The following PCDHA1 variants were observed in gnomAD, a reference collection of about 807,000 sequenced individuals.
The protein encoded by PCDHA1 is protocadherin alpha-1.
In PCDHA1, 42 loss-of-function variants were observed where a neutral mutation model predicts 61.3. The observed-to-expected ratio is 0.69, with a 90% CI of 0.54 to 0.89. The LOEUF is 0.89. PCDHA1 is among the 40% of genes least tolerant of loss of function. PCDHA1 has a pLI of 0.00. For missense variants in PCDHA1, 1,256 were observed against 1,235.3 expected (o/e 1.02, Z -0.25); for synonymous variants, 610 against 553.8 (o/e 1.10, Z -1.43).
chr5:140,941,173 A>G (rs1235741316), intron 1 of PCDHA1, among the ~76,000 whole-genome samples: 5 of 135,522 alleles, frequency 3.7e-5, no homozygotes, highest in Non-Finnish European at 4.9e-5. Flanking sequence ...CCCCATCTTG[A>G]ACATCCTGCT....
chr5:140,816,485 G>A (rs1765913989), intron 1 of PCDHA1: 2 of 149,216 alleles, frequency 1.3e-5, no homozygotes, highest in African/African-American at 5.0e-5. Context: ...TATTTCTTTA[G>A]GTTTGGTTTC....
intron 1 of PCDHA1, chr5:140,842,828 T>C (rs2150345538): frequency 1.9e-6 from 3 of 1,593,634 alleles, no homozygotes; most frequent in South Asian, 1.1e-5. Context: ...GGGCGAGCGC[T>C]CGCTGTCGAG....
At chr5:140,993,509 CGG>C (rs2097568014) in intron 3 of PCDHA1, among the ~76,000 whole-genome samples, 2 of 143,600 alleles carry the variant, frequency 1.4e-5, no homozygotes, top group South Asian at 4.6e-4. Context: ...CACACACACA[CGG>C]GGAGAGAGAG....
At chr5:140,877,468 C>T in intron 1 of PCDHA1, 1 of 1,613,808 alleles carries the variant, frequency 6.2e-7, no homozygotes, top group Non-Finnish European at 8.5e-7. Context: ...GGCCACGGTG[C>T]TGGTGTCGCT....
At chr5:140,811,517 T>C (rs1355784236) in intron 1 of PCDHA1, 4 of 152,238 alleles carry the variant, frequency 2.6e-5, no homozygotes, top group Non-Finnish European at 5.9e-5. Flanking sequence ...CCTTTAGATA[T>C]ATACCCAGTA....
At chr5:140,882,325 G>A (rs2059066855) in intron 1 of PCDHA1, 1 of 1,614,182 alleles carries the variant, frequency 6.2e-7, no homozygotes, top group Non-Finnish European at 8.5e-7. Context: ...TCTGGCTTCT[G>A]ATCCTCGCAG....
intron 1 of PCDHA1, among the ~76,000 whole-genome samples, chr5:140,950,372 C>G (rs1369892292): frequency 1.3e-5 from 2 of 151,918 alleles, no homozygotes; most frequent in African/African-American, 4.8e-5. Context: ...ATCTATTTAT[C>G]TTCCATTTGA....
intron 3 of PCDHA1, 116 bp downstream of exon 3, chr5:140,982,679 C>T: frequency 7.0e-7 from 1 of 1,436,546 alleles, no homozygotes; most frequent in Non-Finnish European, 9.2e-7. Flanking sequence ...TTGTTATTCC[C>T]TTTTTTCCAT....
intron 3 of PCDHA1, among the ~76,000 whole-genome samples, chr5:140,989,205 C>G (rs750885432): frequency 6.6e-6 from 1 of 152,192 alleles, no homozygotes; most frequent in Admixed American, 6.5e-5. Flanking sequence ...TTCTAGCTTT[C>G]TTTATACACC....
chr5:140,982,089 C>A (rs2096965506), intron 2 of PCDHA1, among the ~76,000 whole-genome samples: 1 of 152,220 alleles, frequency 6.6e-6, no homozygotes, highest in Non-Finnish European at 1.5e-5. Context: ...AACCTAGGAA[C>A]AAGAGAACCT....
At chr5:140,807,293 T>C (rs782145999) in intron 1 of PCDHA1, 2 of 1,614,084 alleles carry the variant, frequency 1.2e-6, no homozygotes, top group African/African-American at 2.7e-5. Flanking sequence ...CTACTCGGTC[T>C]CCGAGGAGGC....
At chr5:140,968,385 A>G (rs782234319) in intron 1 of PCDHA1, 11 of 1,613,904 alleles carry the variant, frequency 6.8e-6, no homozygotes, top group Non-Finnish European at 9.3e-6. Flanking sequence ...TTTGACTATG[A>G]GAAGTTTCGG....
At chr5:140,999,656 G>A (rs1483832540) in intron 3 of PCDHA1, among the ~76,000 whole-genome samples, 2 of 152,148 alleles carry the variant, frequency 1.3e-5, no homozygotes, top group African/African-American at 4.8e-5. Context: ...CCTGAGCCCT[G>A]CTGGGTTGCG....
At chr5:140,962,719 T>G (rs928199903) in intron 1 of PCDHA1, among the ~76,000 whole-genome samples, 1 of 152,224 alleles carries the variant, frequency 6.6e-6, no homozygotes, top group Non-Finnish European at 1.5e-5. Flanking sequence ...TTGGAAAGTA[T>G]TTTCCTTCTG....
chr5:140,884,265 T>A, intron 1 of PCDHA1: 1 of 1,613,432 alleles, frequency 6.2e-7, no homozygotes, highest in Middle Eastern at 1.6e-4. Context: ...GCAACGGTGC[T>A]GTTGTCGCTG....
At chr5:140,902,687 T>C (rs552973135) in intron 1 of PCDHA1, among the ~76,000 whole-genome samples, 184 of 152,262 alleles carry the variant, frequency 1.2e-3, no homozygotes, top group African/African-American at 4.2e-3. Context: ...GTACCTAATA[T>C]GTGTAGTCTT....
rs1377792748 is a variant in PCDHA1 at position 140,968,353 on chromosome 5, C to T, written c.2395-10596C>T. ...ATGTCTCCATTAACAGTGCCAGTGGCAGCCTTTATGCTGTCAACTCCTTTG... is the reference window on the plus strand; with the variant it reads ...ATGTCTCCATTAACAGTGCCAGTGGTAGCCTTTATGCTGTCAACTCCTTTG... On this transcript the variant is annotated intron_variant, in intron 1 of 3. Coordinates refer to ENST00000504120, the MANE Select transcript of PCDHA1 (RefSeq NM_018900.4). 1.9e-6 allele frequency: 3 copies of T among 1,613,988 alleles called. No individual in the cohort carries two copies. In the African/African-American group the frequency reaches 4.0e-5, roughly 22 times the overall value.
chr5:140,808,959 T>G (rs1554124915), intron 1 of PCDHA1: 1 of 1,613,498 alleles, frequency 6.2e-7, no homozygotes, highest in Non-Finnish European at 8.5e-7. Flanking sequence ...GGCCACGTGG[T>G]GGCAAAGGTG....
chr5:140,863,333 CGTT>C, intron 1 of PCDHA1: 1 of 1,399,240 alleles, frequency 7.1e-7, no homozygotes. Flanking sequence ...TTAGTGCTCA[CGTT>C]GCTGCTGTAC....
Sources: allele counts gnomAD v4.1 joint callset (sites outside exome capture counted in the v4.1 genomes callset), GRCh38; gene constraint gnomAD v4.1.1; transcripts MANE v1.5; gene names NCBI Gene and HGNC (gene_info 2026-07-23, HGNC 2026-07-21).